The following SRD5A2 variants were observed in gnomAD, a reference collection of about 807,000 sequenced individuals.
SRD5A2 encodes steroid 5 alpha-reductase 2.
A neutral mutation model predicts 27.4 loss-of-function variants in SRD5A2; 30 were observed. The observed-to-expected ratio is 1.10, with a 90% confidence interval of 0.82 to 1.49. The LOEUF (loss-of-function observed/expected upper bound fraction) is 1.49, where lower values mean the gene tolerates loss of function less well. SRD5A2 is among the 40% of genes most tolerant of loss of function. The pLI, the probability that SRD5A2 is intolerant of heterozygous loss-of-function variation, is 0.00. For synonymous variants in SRD5A2, 141 were observed against 133.6 expected, an observed-to-expected ratio of 1.06 and a Z score of -0.38; for missense variants, 348 against 323.4, an observed-to-expected ratio of 1.08 and a Z score of -0.58.
At position 31,541,880 on chromosome 2, in the gene SRD5A2, G is replaced by C. The variant is rs147280450; in HGVS notation, c.282-8114C>G. Among the ~76,000 whole-genome samples, 380 of 152,300 alleles carry C rather than the reference G, an allele frequency of 2.5e-3. 3 individuals are homozygous for C. The highest frequency in any genetic ancestry group is 3.0e-3 in the Non-Finnish European group (206 of 68,026). ...CTCAGCCAATGCCAACACACACAGG[G>C]AGCATATAGATCAGCCCTAGCCAGA... On this transcript the variant is annotated intron_variant, in intron 1 of 4. Coordinates refer to ENST00000622030, the MANE Select transcript of SRD5A2 (RefSeq NM_000348.4).
the SRD5A2 span, among the ~76,000 whole-genome samples, chr2:31,622,147 T>C: frequency 6.6e-6 from 1 of 151,996 alleles, no homozygotes; most frequent in Admixed American, 6.6e-5. Context: ...CAGGCCCCAG[T>C]GTATGTTGTT....
At chr2:31,543,658 G>C (rs1388840971) in intron 1 of SRD5A2, among the ~76,000 whole-genome samples, 1 of 152,024 alleles carries the variant, frequency 6.6e-6, no homozygotes, top group Non-Finnish European at 1.5e-5. Flanking sequence ...AAGTAGCAGA[G>C]TTTTATGTTA....
the SRD5A2 span, among the ~76,000 whole-genome samples, chr2:31,648,126 A>G: frequency 6.6e-6 from 1 of 152,212 alleles, no homozygotes; most frequent in Non-Finnish European, 1.5e-5. Context: ...CTGTGAGGCT[A>G]GTGTTTGTGA....
the SRD5A2 span, among the ~76,000 whole-genome samples, chr2:31,639,007 A>G: frequency 6.6e-6 from 1 of 151,168 alleles, no homozygotes; most frequent in East Asian, 1.9e-4. Flanking sequence ...TTCTTTTCCT[A>G]CTATCTTCCT....
At chr2:31,533,915 G>A (rs1160129809) in intron 1 of SRD5A2, 149 bp from the exon 2 acceptor site, 2 of 836,776 alleles carry the variant, frequency 2.4e-6, no homozygotes, top group African/African-American at 1.7e-5. Context: ...TTCTCCAGGA[G>A]GATGTATATC....
the SRD5A2 span, among the ~76,000 whole-genome samples, chr2:31,591,637 C>A: frequency 6.6e-6 from 1 of 151,536 alleles, no homozygotes; most frequent in Non-Finnish European, 1.5e-5. Flanking sequence ...CACATGCACA[C>A]GTATGTTTAT....
At chr2:31,638,244 T>A in the SRD5A2 span, among the ~76,000 whole-genome samples, 22 of 152,090 alleles carry the variant, frequency 1.4e-4, no homozygotes, top group African/African-American at 5.1e-4. Context: ...TTTCAGAGGT[T>A]CCCCCTTGTT....
the SRD5A2 span, among the ~76,000 whole-genome samples, chr2:31,653,367 C>G: frequency 1.3e-5 from 2 of 152,182 alleles, no homozygotes; most frequent in Non-Finnish European, 2.9e-5. Context: ...CTCATTTACA[C>G]CTTAAGGTTT....
At position 31,524,215 on chromosome 2, in the gene SRD5A2, G is replaced by C; in HGVS notation, c.*1981C>G. On this transcript the variant is annotated 3_prime_UTR_variant, in exon 5 of 5. Coordinates refer to ENST00000622030, the MANE Select transcript of SRD5A2 (RefSeq NM_000348.4). ...AAGCAAGGTAGTTTTCAATGTCATG[G>C]AGAGAACTGGAAGTCTTTTATGTCA... 1 of 225,654 alleles carries C rather than the reference G, an allele frequency of 4.4e-6. No individual in the cohort carries two copies. Among genetic ancestry groups the C allele is most frequent in the Admixed American group, 5.7e-5 (1 of 17,498 alleles). 14.0% of individuals were successfully genotyped at this position (225,654 alleles called of 1,614,324 possible).
chr2:31,567,791 C>A (rs12463458), intron 1 of SRD5A2, among the ~76,000 whole-genome samples: 6,743 of 152,220 alleles, frequency 0.044, 262 homozygotes, highest in Admixed American at 0.12. Flanking sequence ...CAGCTGGAAA[C>A]CTCTGTGGCC....
the SRD5A2 span, among the ~76,000 whole-genome samples, chr2:31,636,368 G>A: frequency 6.6e-6 from 1 of 151,958 alleles, no homozygotes; most frequent in African/African-American, 2.4e-5. Context: ...ACTGATTTCT[G>A]TACATTGATT....
chr2:31,558,902 T>G (rs930500466), intron 1 of SRD5A2, among the ~76,000 whole-genome samples: 1 of 152,188 alleles, frequency 6.6e-6, no homozygotes, highest in Non-Finnish European at 1.5e-5. Context: ...AACACATTAC[T>G]CAGAATGTAA....
intron 1 of SRD5A2, among the ~76,000 whole-genome samples, chr2:31,546,824 C>A (rs1666271518): frequency 6.6e-6 from 1 of 152,132 alleles, no homozygotes; most frequent in Non-Finnish European, 1.5e-5. Context: ...AGGCTGGGCA[C>A]AGTGGCTCAC....
chr2:31,611,620 TA>T, the SRD5A2 span, among the ~76,000 whole-genome samples: 1 of 152,120 alleles, frequency 6.6e-6, no homozygotes, highest in South Asian at 2.1e-4. Context: ...AACTGCAAAT[TA>T]AAAACATAAT....
At chr2:31,631,913 G>A in the SRD5A2 span, among the ~76,000 whole-genome samples, 1 of 152,140 alleles carries the variant, frequency 6.6e-6, no homozygotes, top group Non-Finnish European at 1.5e-5. Flanking sequence ...GTGGTAGAAG[G>A]ACTAAGGAAA....
chr2:31,653,979 G>C, the SRD5A2 span, among the ~76,000 whole-genome samples: 1 of 151,894 alleles, frequency 6.6e-6, no homozygotes, highest in Non-Finnish European at 1.5e-5. Context: ...ACACAACTAG[G>C]AGACAGATAA....
At position 31,559,586 on chromosome 2, in the gene SRD5A2, A is replaced by G. The variant is rs555443187; in HGVS notation, c.281+21034T>C. Among the ~76,000 whole-genome samples the G allele has an allele frequency of 2.0e-4, 31 of 152,286 alleles. 1 individual carries two copies. Among genetic ancestry groups the G allele is most frequent in the African/African-American group, 6.7e-4 (28 of 41,560 alleles). ...TTAGTTCTTCCCAAATTGCTCTTAA[A>G]AAAAGAAAAAGAAAAGATTTAAGGC... On this transcript the variant is annotated intron_variant, in intron 1 of 4. Transcript: ENST00000622030.
At chr2:31,542,797 G>A (rs927740039) in intron 1 of SRD5A2, among the ~76,000 whole-genome samples, 6 of 152,072 alleles carry the variant, frequency 3.9e-5, no homozygotes, top group African/African-American at 1.4e-4. Context: ...CAAGAGACCT[G>A]TGAGACATCA....
intron 1 of SRD5A2, among the ~76,000 whole-genome samples, chr2:31,554,648 C>G (rs1028065311): frequency 3.3e-5 from 5 of 152,200 alleles, no homozygotes; most frequent in Admixed American, 2.6e-4. Flanking sequence ...CTCATCCCTT[C>G]TAAGGTGGCG....
Sources: allele counts gnomAD v4.1 joint callset (sites outside exome capture counted in the v4.1 genomes callset), GRCh38; gene constraint gnomAD v4.1.1; transcripts MANE v1.5; gene names NCBI Gene and HGNC (gene_info 2026-07-23, HGNC 2026-07-21).